PRKCE: variants seen among roughly 807,000 people sequenced by gnomAD.
PRKCE encodes the protein protein kinase C epsilon type.
A neutral mutation model predicts 85.4 loss-of-function variants in PRKCE; 16 were observed. The ratio of observed to expected loss-of-function variants is 0.19; its 90% CI spans 0.13 to 0.28. The LOEUF is 0.28. Ranked by LOEUF, PRKCE falls within the 10% of genes least tolerant of loss-of-function variation. PRKCE has a pLI of 1.00. For synonymous variants in PRKCE, 388 were observed against 371.5 expected, an observed-to-expected ratio of 1.04 and a Z score of -0.51; for missense variants, 573 against 975.2, an observed-to-expected ratio of 0.59 and a Z score of 5.49.
rs937168905 is a variant in PRKCE, at chr2:45,786,889, A to G, written c.349-56111A>G. On this transcript the variant is annotated intron_variant, in intron 1 of 14. Transcript: ENST00000306156. The surrounding 1 kb of genome is among the most constrained non-coding windows in gnomAD (Gnocchi z 5.3). Reference sequence around the variant, plus strand: ...ATGGCAATAGTAGAGATGCGATTCAAACCCTAGGGAATACGATTCCAGAAC... The same window carrying G: ...ATGGCAATAGTAGAGATGCGATTCAGACCCTAGGGAATACGATTCCAGAAC... Among the ~76,000 whole-genome samples the G allele has an allele frequency of 2.6e-5, 4 of 152,202 alleles. No individual in the cohort carries two copies. The highest frequency in any genetic ancestry group is 7.2e-5 in the African/African-American group (3 of 41,460).
intron 1 of PRKCE, among the ~76,000 whole-genome samples, chr2:45,760,528 C>G (rs1466637127): frequency 6.6e-6 from 1 of 152,138 alleles, no homozygotes; most frequent in African/African-American, 2.4e-5. Flanking sequence ...ACAACAAAAG[C>G]CTTCATAAGC....
chr2:45,696,320 A>G (rs1207355368), intron 1 of PRKCE, among the ~76,000 whole-genome samples: 1 of 152,180 alleles, frequency 6.6e-6, no homozygotes, highest in Admixed American at 6.5e-5. Context: ...TACAGTCTTT[A>G]CATATTTACA....
chr2:46,153,635 A>T (rs1342658914), intron 13 of PRKCE, among the ~76,000 whole-genome samples: 2 of 152,124 alleles, frequency 1.3e-5, no homozygotes, highest in Admixed American at 1.3e-4. Context: ...ACTAGAAAAC[A>T]TCTGCCAGGG....
At chr2:46,149,139 T>C (rs937985558) in intron 12 of PRKCE, among the ~76,000 whole-genome samples, 1 of 152,212 alleles carries the variant, frequency 6.6e-6, no homozygotes, top group East Asian at 1.9e-4. Flanking sequence ...TTGTAACCTC[T>C]AGAAGGGTAT....
At chr2:45,950,483 A>G (rs1005634869) in intron 2 of PRKCE, among the ~76,000 whole-genome samples, 2 of 152,102 alleles carry the variant, frequency 1.3e-5, no homozygotes, top group African/African-American at 4.8e-5. Context: ...TCACATTCTA[A>G]TTTTGAGGAT....
chr2:45,981,471 C>T (rs536434623), intron 5 of PRKCE, among the ~76,000 whole-genome samples: 1 of 152,336 alleles, frequency 6.6e-6, no homozygotes, highest in African/African-American at 2.4e-5. Context: ...CATCTTCTCT[C>T]TCCTTCTGCT....
At chr2:46,090,108 A>C (rs1670021271) in intron 11 of PRKCE, among the ~76,000 whole-genome samples, 1 of 152,208 alleles carries the variant, frequency 6.6e-6, no homozygotes, top group Non-Finnish European at 1.5e-5. Context: ...GATGATGGGC[A>C]CTTGGAGTTC....
rs1678208213 is a variant in PRKCE, at chr2:45,697,004, G to C, written c.348+44556G>C. ...AGGTCTTCTTTCCCCCTTGGCTTTT[G>C]TACTTGCCACCAAGGCCCATGTTTG... On this transcript the variant is annotated intron_variant, in intron 1 of 14. Transcript: ENST00000306156. This position sits in a 1 kb window ranked among gnomAD's most constrained non-coding sequence, Gnocchi z 4.2. Among the ~76,000 whole-genome samples, 1 of 152,086 alleles carries C rather than the reference G, an allele frequency of 6.6e-6. No homozygotes were observed. Among genetic ancestry groups the C allele is most frequent in the African/African-American group, 2.4e-5 (1 of 41,416 alleles).
At chr2:45,973,524 A>G (rs930269106) in intron 2 of PRKCE, among the ~76,000 whole-genome samples, 4 of 152,172 alleles carry the variant, frequency 2.6e-5, no homozygotes, top group African/African-American at 9.7e-5. Context: ...GGCAATAGTA[A>G]TAGAAACCTT....
At chr2:46,169,495 T>A (rs1190066683) in intron 14 of PRKCE, among the ~76,000 whole-genome samples, 2 of 152,088 alleles carry the variant, frequency 1.3e-5, no homozygotes, top group Non-Finnish European at 2.9e-5. Flanking sequence ...AGCTTGGAGA[T>A]CAATGGAGTA....
intron 10 of PRKCE, among the ~76,000 whole-genome samples, chr2:46,047,191 G>C (rs1468614529): frequency 2.0e-5 from 3 of 152,142 alleles, no homozygotes; most frequent in Non-Finnish European, 2.9e-5. Flanking sequence ...AGCAGGCTGG[G>C]CCAGGTGAGT....
intron 2 of PRKCE, among the ~76,000 whole-genome samples, chr2:45,909,505 G>A (rs1473591103): frequency 6.6e-6 from 1 of 152,204 alleles, no homozygotes; most frequent in Non-Finnish European, 1.5e-5. Context: ...AAATGATATT[G>A]GTTGTATTGT....
chr2:45,895,065 GTC>G lies in PRKCE; in HGVS notation c.412+52006_412+52007del, dbSNP rs1279939186. Among the ~76,000 whole-genome samples, 10 of 152,178 alleles carry G rather than the reference GTC, an allele frequency of 6.6e-5. No homozygotes were observed. The highest frequency in any genetic ancestry group is 6.5e-5 in the Admixed American group (1 of 15,270). On this transcript the variant is annotated intron_variant, in intron 2 of 14. Coordinates refer to ENST00000306156, the MANE Select transcript of PRKCE (RefSeq NM_005400.3). The surrounding 1 kb of genome is among the most constrained non-coding windows in gnomAD (Gnocchi z 4.8). The stretch of plus-strand genomic sequence containing the variant: ...ACACATAAATGTCATCAATGATTCC[GTC>G]TCTACCTGGGTAAACTTCAGAACTT...
rs574700574 is a variant in PRKCE, at chr2:45,677,456, C to A, written c.348+25008C>A. 2.1e-3 allele frequency among the ~76,000 whole-genome samples: 320 copies of A among 151,864 alleles called. 3 individuals are homozygous for A. Among genetic ancestry groups the A allele is most frequent in the African/African-American group, 4.9e-3 (202 of 41,426 alleles). On this transcript the variant is annotated intron_variant, in intron 1 of 14. Coordinates refer to ENST00000306156, the MANE Select transcript of PRKCE (RefSeq NM_005400.3). ...ACTGCAAGCTCCGCTTCCCGGGTTC[C>A]CGCCATTCTCCTGCCTCAGCCTCCC...
chr2:45,940,690 A>G (rs1247647475), intron 2 of PRKCE, among the ~76,000 whole-genome samples: 2 of 149,634 alleles, frequency 1.3e-5, no homozygotes, highest in Non-Finnish European at 2.9e-5. Context: ...CATGTCACAC[A>G]TGCTTTCACT....
intron 1 of PRKCE, chr2:45,674,701 T>C (rs1473816650): frequency 1.3e-5 from 2 of 152,084 alleles, no homozygotes; most frequent in African/African-American, 4.8e-5. Flanking sequence ...CAAGGAAAAA[T>C]AAAACTCCAG....
At chr2:45,867,462 C>T (rs1254439377) in intron 2 of PRKCE, among the ~76,000 whole-genome samples, 1 of 152,206 alleles carries the variant, frequency 6.6e-6, no homozygotes, top group Non-Finnish European at 1.5e-5. Context: ...GCCTCCTTCC[C>T]TGCTGCAGCC....
chr2:46,005,070 T>A (rs904095910), intron 8 of PRKCE, among the ~76,000 whole-genome samples: 5 of 151,952 alleles, frequency 3.3e-5, no homozygotes, highest in Non-Finnish European at 7.4e-5. Context: ...GAGATCAGCT[T>A]GAGTTTGGGG....
At chr2:46,082,430 G>C (rs1028244496) in intron 10 of PRKCE, among the ~76,000 whole-genome samples, 1 of 152,180 alleles carries the variant, frequency 6.6e-6, no homozygotes, top group Non-Finnish European at 1.5e-5. Flanking sequence ...GCTTTGCCCC[G>C]AGACCTAGAG....
Sources: gnomAD v4.1 joint callset for allele counts (sites outside exome capture counted in the v4.1 genomes callset) on GRCh38, gnomAD v4.1.1 for gene constraint, Gnocchi (gnomAD v3.1) non-coding constraint, MANE v1.5 for transcripts, NCBI Gene and HGNC (gene_info 2026-07-23, HGNC 2026-07-21) for gene names.